The following CCDC62 variants were observed in gnomAD, a reference collection of about 807,000 sequenced individuals.
The protein encoded by CCDC62 is coiled-coil domain containing 62.
Under a neutral mutation model 80.8 loss-of-function variants are expected in CCDC62, and 72 were observed. The observed-to-expected ratio is 0.89, with a 90% confidence interval of 0.74 to 1.08. The LOEUF is 1.08. CCDC62 is among the 50% of genes least tolerant of loss of function. The probability of loss-of-function intolerance (pLI) is 0.00; values close to 1 mark genes in which losing one functional copy is unlikely to be tolerated. For missense variants in CCDC62, 704 were observed against 809.4 expected, an observed-to-expected ratio of 0.87 and a Z score of 1.58; for synonymous variants, 286 against 296.5, an observed-to-expected ratio of 0.96 and a Z score of 0.36.
chr12:122,815,454 T>TC (rs2032122474), intron 11 of CCDC62, among the ~76,000 whole-genome samples: 1 of 152,046 alleles, frequency 6.6e-6, no homozygotes, highest in Non-Finnish European at 1.5e-5. Context: ...GGTTTTTTTT[T>TC]TTCTTTTTTG....
intron 3 of CCDC62, among the ~76,000 whole-genome samples, chr12:122,784,723 T>C (rs1327789620): frequency 6.6e-6 from 1 of 152,130 alleles, no homozygotes; most frequent in Non-Finnish European, 1.5e-5. Flanking sequence ...TAGTCCCAGC[T>C]ACTCGGGACA....
At chr12:122,805,190 T>TA (rs1248002916) in intron 9 of CCDC62, among the ~76,000 whole-genome samples, 2 of 140,044 alleles carry the variant, frequency 1.4e-5, no homozygotes, top group Non-Finnish European at 3.0e-5. Context: ...TGGCCGGCTT[T>TA]TTTTTTTTTT....
chr12:122,809,572 G>A (rs1348558558), intron 10 of CCDC62, among the ~76,000 whole-genome samples: 4 of 152,212 alleles, frequency 2.6e-5, no homozygotes, highest in Non-Finnish European at 5.9e-5. Context: ...GATCACCTGA[G>A]GTCAGAAGTT....
chr12:122,785,585 C>A, intron 3 of CCDC62, 134 bp from the exon 4 acceptor site: 1 of 681,022 alleles, frequency 1.5e-6, no homozygotes, highest in East Asian at 2.5e-5. Context: ...CACTCCATTA[C>A]CAACTCTTTT....
At chr12:122,776,807 T>G (rs965612631) in intron 1 of CCDC62, 5 of 8,176 alleles carry the variant, frequency 6.1e-4, no homozygotes, top group African/African-American at 9.5e-4. Flanking sequence ...TTTTGTTTGG[T>G]TTTTTTTGAT....
rs1447222092 is a variant in CCDC62 at position 122,812,782 on chromosome 12, A to G, written c.1852-488A>G. ...GAGAGAGAGAGAGAGAGAGAGAGAAAGAAAGAAAGAAAGAAAGAAAGAAAG... is the reference window on the plus strand; with the variant it reads ...GAGAGAGAGAGAGAGAGAGAGAGAAGGAAAGAAAGAAAGAAAGAAAGAAAG... On this transcript the variant is annotated intron_variant, in intron 10 of 12. Coordinates refer to ENST00000253079, the MANE Select transcript of CCDC62 (RefSeq NM_201435.5). Among the ~76,000 whole-genome samples the G allele has an allele frequency of 2.9e-4, 23 of 80,502 alleles. No individual in the cohort carries two copies. In the Middle Eastern group the frequency reaches 0.019, roughly 67 times the overall value. 52.8% of individuals were successfully genotyped at this position (80,502 alleles called of 152,430 possible).
intron 10 of CCDC62, among the ~76,000 whole-genome samples, chr12:122,807,951 T>A (rs1049829964): frequency 6.6e-6 from 1 of 152,208 alleles, no homozygotes; most frequent in African/African-American, 2.4e-5. Context: ...TTTTTGTTGC[T>A]GACAAGTATC....
chr12:122,818,073 C>T (rs376007246), intron 11 of CCDC62, among the ~76,000 whole-genome samples: 3 of 151,998 alleles, frequency 2.0e-5, no homozygotes, highest in East Asian at 1.9e-4. Context: ...TTTGGGAGGC[C>T]GAGGTGGGAG....
At position 122,801,252 on chromosome 12, in the gene CCDC62, A is replaced by G; in HGVS notation, c.1106A>G (p.Asp369Gly). 1 of 1,614,200 alleles carries G rather than the reference A, an allele frequency of 6.2e-7. No homozygotes were observed. Among genetic ancestry groups the G allele is most frequent in the South Asian group, 1.1e-5 (1 of 91,086 alleles). ...ATGTTGGTTCAGCAAAATAGGTCAG[A>G]CAAGAGCTCTTGCGATGAATGCAAA... ...EAMLVQQNRS[D>G]KSSCDECKEK... The change falls in exon 9 of 13, where the codon GAC becomes GGC. Residue 369 changes from aspartate (D) to glycine (G), a missense_variant. Transcript: ENST00000253079.
chr12:122,811,175 A>AAAAT (rs890402023), intron 10 of CCDC62, among the ~76,000 whole-genome samples: 5 of 151,140 alleles, frequency 3.3e-5, no homozygotes, highest in Non-Finnish European at 5.9e-5. Flanking sequence ...ATAATAATAA[A>AAAAT]AAATAAATAA....
intron 11 of CCDC62, among the ~76,000 whole-genome samples, chr12:122,816,261 G>C (rs1696321): frequency 6.6e-6 from 1 of 152,098 alleles, no homozygotes; most frequent in African/African-American, 2.4e-5. Context: ...TTAGTGAAGC[G>C]TTGCATTTAT....
Position 122,813,317 on chromosome 12 carries a change from G to A in CCDC62, c.1899G>A (p.Lys633=). The change falls in exon 11 of 13, where the codon AAG becomes AAA. Residue 633 remains lysine (K), a synonymous_variant. Coordinates refer to ENST00000253079, the MANE Select transcript of CCDC62 (RefSeq NM_201435.5). ...AGGATGATTTCTCGCCCACGAGCAA[G>A]CTCCAGCGTTTGCTGGCGGAATCTC... ...PSQDDFSPTS[K]LQRLLAESRQ... is the part of the protein sequence containing the mutation. The A allele has an allele frequency of 6.2e-7, 1 of 1,613,804 alleles. No individual in the cohort carries two copies. Among genetic ancestry groups the A allele is most frequent in the South Asian group, 1.1e-5 (1 of 91,050 alleles).
chr12:122,819,346 A>G (rs531707628), intron 11 of CCDC62, among the ~76,000 whole-genome samples: 2 of 152,328 alleles, frequency 1.3e-5, no homozygotes, highest in African/African-American at 2.4e-5. Context: ...AAGGGTCGCA[A>G]TTCAGAGCCT....
In CCDC62 at chr12:122,798,172, A is replaced by G. The variant is rs774192846; in HGVS notation, c.949A>G (p.Met317Val). ...ATTAATACAGATGTATGACTCAAAG[A>G]TGGAGGAATCAAAGGCTCTGGACTC... ...QELIQMYDSKMEESKALDSSR... is the reference protein window; with the variant it reads ...QELIQMYDSKVEESKALDSSR... Residue 317 changes from methionine to valine, a missense_variant, in exon 8 of 13, where the codon ATG becomes GTG. Physicochemically the swap from Met to Val is conservative, Grantham distance 21. Coordinates refer to ENST00000253079, the MANE Select transcript of CCDC62 (RefSeq NM_201435.5). 1.3e-6 allele frequency: 2 copies of G among 1,578,460 alleles called. No homozygotes were observed. Among genetic ancestry groups the G allele is most frequent in the Middle Eastern group, 3.3e-4 (2 of 5,996 alleles).
chr12:122,796,877 C>CT lies in CCDC62; in HGVS notation c.773-411dup, dbSNP rs11300322. On this transcript the variant is annotated intron_variant, in intron 6 of 12. Coordinates refer to ENST00000253079, the MANE Select transcript of CCDC62 (RefSeq NM_201435.5). ...TCCCTGAATCTACAAATCACTTCTT[C>CT]TTTTTTTTTTTTTTTTTTTAAGACA... Among the ~76,000 whole-genome samples the CT allele has an allele frequency of 7.9e-4, 29 of 36,904 alleles. No individual in the cohort carries two copies. The South Asian group carries it at 0.012, about 16-fold the overall frequency. 24.2% of individuals were successfully genotyped at this position (36,904 alleles called of 152,430 possible).
intron 10 of CCDC62, among the ~76,000 whole-genome samples, chr12:122,812,781 A>AGAGAGAGAG (rs1566086652): frequency 2.4e-5 from 2 of 83,074 alleles, no homozygotes; most frequent in Admixed American, 1.1e-4. Flanking sequence ...GAGAGAGAGA[A>AGAGAGAGAG]AGAAAGAAAG....
At chr12:122,777,447 T>C (rs1454715830) in intron 1 of CCDC62, 44 bp from the exon 2 acceptor site, 1 of 1,528,150 alleles carries the variant, frequency 6.5e-7, no homozygotes, top group African/African-American at 1.4e-5. Flanking sequence ...TGATTTGTTA[T>C]TGATTTCATT....
At chr12:122,779,907 CAAAAAAAA>C (rs35466260) in intron 2 of CCDC62, among the ~76,000 whole-genome samples, 5 of 63,520 alleles carry the variant, frequency 7.9e-5, no homozygotes, top group African/African-American at 2.0e-4. Context: ...GACTCTGTCT[CAAAAAAAA>C]AAAAAAAAAA....
chr12:122,785,114 C>T (rs2030131195), intron 3 of CCDC62, among the ~76,000 whole-genome samples: 1 of 152,152 alleles, frequency 6.6e-6, no homozygotes, highest in Non-Finnish European at 1.5e-5. Context: ...TGCACTCCAG[C>T]CTGGGCGACA....
Sources: gnomAD v4.1 joint callset for allele counts (sites outside exome capture counted in the v4.1 genomes callset) on GRCh38, gnomAD v4.1.1 for gene constraint, MANE v1.5 for transcripts, NCBI Gene and HGNC (gene_info 2026-07-23, HGNC 2026-07-21) for gene names.